GRM1: variants seen among roughly 807,000 people sequenced by gnomAD.
GRM1 encodes glutamate metabotropic receptor 1.
A neutral mutation model predicts 90.9 loss-of-function variants in GRM1; 33 were observed. That is an observed-to-expected ratio of 0.36 (90% confidence interval 0.28 to 0.49). The LOEUF (loss-of-function observed/expected upper bound fraction) is 0.49, where lower values mean the gene tolerates loss of function less well. Among genes scored for constraint, GRM1 ranks in the 20% least tolerant of loss-of-function variants. The probability of loss-of-function intolerance (pLI) is 0.99; values close to 1 mark genes in which losing one functional copy is unlikely to be tolerated. For missense variants in GRM1, 1,190 were observed against 1,534.3 expected (o/e 0.78, Z 3.75); for synonymous variants, 700 against 613.2 (o/e 1.14, Z -2.09).
At chr6:146,114,992 A>G (rs748923564) in intron 1 of GRM1, among the ~76,000 whole-genome samples, 15 of 152,064 alleles carry the variant, frequency 9.9e-5, no homozygotes, top group Middle Eastern at 3.4e-3. Context: ...ATTCTTTCAA[A>G]CAACCCAGAA....
At chr6:146,261,451 G>T (rs185544828) in intron 2 of GRM1, among the ~76,000 whole-genome samples, 2 of 152,214 alleles carry the variant, frequency 1.3e-5, no homozygotes, top group Non-Finnish European at 2.9e-5. Context: ...CAGGATAGAT[G>T]TTGTGGTTCT....
At chr6:146,383,090 T>C (rs964972289) in intron 5 of GRM1, among the ~76,000 whole-genome samples, 4 of 152,180 alleles carry the variant, frequency 2.6e-5, no homozygotes, top group African/African-American at 9.6e-5. Context: ...ACAGATATTA[T>C]ATGGCAAAAG....
chr6:146,434,255 C>G lies in GRM1; in HGVS notation c.3044C>G (p.Pro1015Arg), dbSNP rs199777173. The G allele has an allele frequency of 1.1e-4, 177 of 1,600,386 alleles. No individual in the cohort carries two copies. The highest frequency in any genetic ancestry group is 1.5e-4 in the Non-Finnish European group (173 of 1,171,466). Reference protein sequence around the residue: ...AEPALPKGLPPPLQQQQQPPP... With the variant: ...AEPALPKGLPRPLQQQQQPPP... ...CCAGCCCTCCCCAAGGGCTTGCCCC[C>G]TCCTCTCCAGCAGCAGCAGCAACCC... is the stretch of plus-strand genomic sequence containing the variant. The change falls in exon 8 of 8, where the codon CCT becomes CGT. Residue 1015 changes from proline (P) to arginine (R), a missense_variant. Coordinates refer to ENST00000282753, the MANE Select transcript of GRM1 (RefSeq NM_001278064.2).
intron 1 of GRM1, among the ~76,000 whole-genome samples, chr6:146,136,896 A>G (rs955581444): frequency 1.7e-5 from 2 of 116,050 alleles, no homozygotes; most frequent in Non-Finnish European, 3.3e-5. Context: ...TCTGTCACCC[A>G]GGCTGAAGTG....
intron 7 of GRM1, among the ~76,000 whole-genome samples, chr6:146,403,985 A>G (rs769218371): frequency 6.6e-6 from 1 of 152,098 alleles, no homozygotes; most frequent in African/African-American, 2.4e-5. Context: ...TCTCTCTTCT[A>G]ACTACTTGAA....
chr6:146,088,062 A>G (rs1351896750), intron 1 of GRM1, among the ~76,000 whole-genome samples: 3 of 152,168 alleles, frequency 2.0e-5, no homozygotes, highest in African/African-American at 7.2e-5. Context: ...CCCACTAGAA[A>G]TATGAATGAT....
chr6:146,214,783 T>G (rs972767614), intron 2 of GRM1, among the ~76,000 whole-genome samples: 1 of 151,900 alleles, frequency 6.6e-6, no homozygotes, highest in African/African-American at 2.4e-5. Context: ...TTTTGAAAAA[T>G]AGGTAGGACT....
At chr6:146,323,609 G>A (rs936218994) in intron 3 of GRM1, among the ~76,000 whole-genome samples, 1 of 152,158 alleles carries the variant, frequency 6.6e-6, no homozygotes, top group Non-Finnish European at 1.5e-5. Flanking sequence ...GATCCCATTT[G>A]TCAATTTTGT....
intron 2 of GRM1, among the ~76,000 whole-genome samples, chr6:146,203,057 G>A (rs961110931): frequency 6.6e-6 from 1 of 151,984 alleles, no homozygotes; most frequent in Non-Finnish European, 1.5e-5. Flanking sequence ...AGCCGGGCGT[G>A]GTGCCGGGCG....
intron 1 of GRM1, among the ~76,000 whole-genome samples, chr6:146,124,261 A>G (rs1776110810): frequency 1.3e-5 from 2 of 152,220 alleles, no homozygotes; most frequent in Admixed American, 6.5e-5. Context: ...AACACTGAAG[A>G]CTTCATAGCA....
At chr6:146,304,538 A>C (rs1783507777) in intron 2 of GRM1, 73 bp from the exon 3 acceptor site, 1 of 1,031,376 alleles carries the variant, frequency 9.7e-7, no homozygotes, top group South Asian at 1.3e-5. Context: ...TGCTTCATTC[A>C]TATATAACTC....
intron 2 of GRM1, among the ~76,000 whole-genome samples, chr6:146,242,368 G>A (rs564322945): frequency 7.2e-5 from 11 of 152,194 alleles, no homozygotes; most frequent in African/African-American, 2.6e-4. Context: ...TATTTCCTAA[G>A]TAATATAGGA....
chr6:146,078,612 T>A lies in GRM1; in HGVS notation c.700+48395T>A, dbSNP rs144909539. Among the ~76,000 whole-genome samples the A allele has an allele frequency of 1.6e-4, 25 of 152,330 alleles. No homozygotes were observed. In the East Asian group the frequency reaches 4.8e-3, roughly 29 times the overall value. On this transcript the variant is annotated intron_variant, in intron 1 of 7. Coordinates refer to ENST00000282753, the MANE Select transcript of GRM1 (RefSeq NM_001278064.2). ...AAAGACTGATTATCACTAGATAATTTATAAATATATTTGGATACATATACT... is the reference window on the plus strand; with the variant it reads ...AAAGACTGATTATCACTAGATAATTAATAAATATATTTGGATACATATACT...
intron 3 of GRM1, among the ~76,000 whole-genome samples, chr6:146,335,934 A>G (rs1370063655): frequency 6.6e-6 from 1 of 152,034 alleles, no homozygotes; most frequent in African/African-American, 2.4e-5. Flanking sequence ...AAGAGATCTG[A>G]TGGTTTTACA....
intron 1 of GRM1, among the ~76,000 whole-genome samples, chr6:146,119,396 G>T (rs1458284902): frequency 2.0e-5 from 3 of 152,160 alleles, no homozygotes. Flanking sequence ...TAGGTTGCCT[G>T]TTCACTCTGA....
intron 7 of GRM1, among the ~76,000 whole-genome samples, chr6:146,410,853 G>A (rs1777539284): frequency 6.6e-6 from 1 of 152,112 alleles, no homozygotes; most frequent in East Asian, 1.9e-4. Flanking sequence ...TGTTTGTTTA[G>A]CTTCAAGTAT....
chr6:146,092,139 A>G (rs1776735650), intron 1 of GRM1, among the ~76,000 whole-genome samples: 1 of 152,094 alleles, frequency 6.6e-6, no homozygotes, highest in Admixed American at 6.6e-5. Flanking sequence ...TTTAGAGGCT[A>G]GGAATTCCAA....
At chr6:146,415,037 T>C (rs1436100272) in intron 7 of GRM1, among the ~76,000 whole-genome samples, 2 of 152,182 alleles carry the variant, frequency 1.3e-5, no homozygotes, top group Admixed American at 1.3e-4. Context: ...AAGCAACATG[T>C]CTTAGTTTGT....
chr6:146,320,229 T>G (rs908390433), intron 3 of GRM1, among the ~76,000 whole-genome samples: 1 of 152,136 alleles, frequency 6.6e-6, no homozygotes, highest in Non-Finnish European at 1.5e-5. Context: ...AATCATGTGG[T>G]TTTTGCCATT....
Sources: allele counts gnomAD v4.1 joint callset (sites outside exome capture counted in the v4.1 genomes callset), GRCh38; gene constraint gnomAD v4.1.1; transcripts MANE v1.5; gene names NCBI Gene and HGNC (gene_info 2026-07-23, HGNC 2026-07-21).